The following ADCY2 variants were observed in gnomAD, a reference collection of about 807,000 sequenced individuals.
The protein encoded by ADCY2 is adenylate cyclase 2, also known as adenylate cyclase type 2.
Under a neutral mutation model 125.2 loss-of-function variants are expected in ADCY2, and 31 were observed. The ratio of observed to expected loss-of-function variants is 0.25; its 90% CI spans 0.19 to 0.33. The LOEUF is 0.33. Among genes scored for constraint, ADCY2 ranks in the 10% least tolerant of loss-of-function variants. The pLI is 1.00. For synonymous variants in ADCY2, 512 were observed against 548.4 expected (o/e 0.93, Z 0.93); for missense variants, 904 against 1,418.2 (o/e 0.64, Z 5.82).
At chr5:7,782,307 A>G (rs148495821) in intron 18 of ADCY2, 95 of 166,928 alleles carry the variant, frequency 5.7e-4, no homozygotes, top group African/African-American at 2.2e-3. Flanking sequence ...CAAGATTCAA[A>G]TGCATTAATG....
At chr5:7,612,694 C>T (rs1737606025) in intron 3 of ADCY2, among the ~76,000 whole-genome samples, 2 of 152,130 alleles carry the variant, frequency 1.3e-5, no homozygotes. Context: ...AGAGATAGCT[C>T]CAGTCACCCA....
intron 3 of ADCY2, among the ~76,000 whole-genome samples, chr5:7,613,350 A>G (rs1375694989): frequency 6.6e-6 from 1 of 152,126 alleles, no homozygotes; most frequent in Admixed American, 6.5e-5. Flanking sequence ...GTTATCACCT[A>G]ATGAATGACA....
chr5:7,470,203 C>G (rs1212788286), intron 2 of ADCY2, among the ~76,000 whole-genome samples: 1 of 151,676 alleles, frequency 6.6e-6, no homozygotes, highest in Non-Finnish European at 1.5e-5. Context: ...AGCACAACTG[C>G]TAGTGGTGTT....
intron 2 of ADCY2, among the ~76,000 whole-genome samples, chr5:7,458,073 A>G (rs1445134216): frequency 6.6e-6 from 1 of 152,198 alleles, no homozygotes; most frequent in South Asian, 2.1e-4. Flanking sequence ...TTGGTTTTAC[A>G]TGTCCTCAGG....
intron 5 of ADCY2, among the ~76,000 whole-genome samples, chr5:7,695,508 A>G (rs1395842108): frequency 6.6e-6 from 1 of 152,234 alleles, no homozygotes; most frequent in African/African-American, 2.4e-5. Context: ...CAGTACAAAC[A>G]GAATTTTTTT....
chr5:7,805,442 T>C (rs1209971779), intron 22 of ADCY2, among the ~76,000 whole-genome samples: 1 of 151,978 alleles, frequency 6.6e-6, no homozygotes. Flanking sequence ...CGAGATTTTC[T>C]CGTGTGTGTG....
chr5:7,545,374 T>C (rs1425570111), intron 3 of ADCY2, among the ~76,000 whole-genome samples: 1 of 152,100 alleles, frequency 6.6e-6, no homozygotes, highest in Non-Finnish European at 1.5e-5. Context: ...GAAAAATAAT[T>C]TATTAGAGAA....
intron 2 of ADCY2, among the ~76,000 whole-genome samples, chr5:7,490,336 T>C (rs1245960795): frequency 6.6e-6 from 1 of 152,204 alleles, no homozygotes; most frequent in East Asian, 1.9e-4. Flanking sequence ...TTTAACTGTT[T>C]GTAATTCATT....
chr5:7,441,502 G>T (rs1741014166), intron 2 of ADCY2, among the ~76,000 whole-genome samples: 2 of 151,762 alleles, frequency 1.3e-5, no homozygotes, highest in South Asian at 2.1e-4. Flanking sequence ...ATGATAGCGT[G>T]CTGGTAAACC....
At chr5:7,771,301 G>A (rs1210698174) in intron 17 of ADCY2, among the ~76,000 whole-genome samples, 1 of 152,060 alleles carries the variant, frequency 6.6e-6, no homozygotes, top group Non-Finnish European at 1.5e-5. Context: ...TCCTTTTCCT[G>A]TTCTCTGTCG....
intron 2 of ADCY2, among the ~76,000 whole-genome samples, chr5:7,432,561 G>A (rs1392896959): frequency 6.6e-6 from 1 of 152,178 alleles, no homozygotes; most frequent in Non-Finnish European, 1.5e-5. Flanking sequence ...GCACAGGTTC[G>A]AGTGACTGGA....
intron 18 of ADCY2, among the ~76,000 whole-genome samples, chr5:7,782,454 C>T (rs1278016728): frequency 3.3e-5 from 5 of 152,208 alleles, no homozygotes; most frequent in African/African-American, 9.7e-5. Flanking sequence ...GGGACCTAAG[C>T]TGGCTCTGTA....
chr5:7,599,117 A>G (rs1382951571), intron 3 of ADCY2, among the ~76,000 whole-genome samples: 4 of 152,124 alleles, frequency 2.6e-5, no homozygotes, highest in Non-Finnish European at 4.4e-5. Flanking sequence ...CCCCGGGGAC[A>G]GATGGATTTG....
At chr5:7,638,187 TA>T (rs1240860370) in intron 4 of ADCY2, among the ~76,000 whole-genome samples, 3 of 152,230 alleles carry the variant, frequency 2.0e-5, no homozygotes, top group Admixed American at 6.5e-5. Context: ...TGTTATCATA[TA>T]TTTTTTTGTG....
intron 14 of ADCY2, among the ~76,000 whole-genome samples, chr5:7,738,309 G>A (rs1241540620): frequency 6.6e-6 from 1 of 151,956 alleles, no homozygotes; most frequent in Non-Finnish European, 1.5e-5. Context: ...AGGACAGCGT[G>A]TATTAAGCCT....
chr5:7,565,178 C>T (rs1735852447), intron 3 of ADCY2, among the ~76,000 whole-genome samples: 4 of 152,212 alleles, frequency 2.6e-5, no homozygotes, highest in African/African-American at 7.2e-5. Context: ...TCTCCTTTCT[C>T]CTTGCTGGGC....
At chr5:7,762,320 A>G (rs1225044678) in intron 16 of ADCY2, among the ~76,000 whole-genome samples, 2 of 152,210 alleles carry the variant, frequency 1.3e-5, no homozygotes, top group African/African-American at 4.8e-5. Flanking sequence ...CCTTGTTTAT[A>G]ATGTCTTATT....
chr5:7,794,920 A>G (rs1005628663), intron 20 of ADCY2: 1 of 152,122 alleles, frequency 6.6e-6, no homozygotes, highest in Non-Finnish European at 1.5e-5. Flanking sequence ...AAATACTGAC[A>G]TCCTGCCTGA....
chr5:7,520,942 C>T (rs1321291092), intron 3 of ADCY2, 43 bp downstream of exon 3: 7 of 1,608,676 alleles, frequency 4.4e-6, no homozygotes. Flanking sequence ...TTTCCACATC[C>T]CACCAGGGGG....
Sources: gnomAD v4.1 joint callset for allele counts (sites outside exome capture counted in the v4.1 genomes callset) on GRCh38, gnomAD v4.1.1 for gene constraint, MANE v1.5 for transcripts, NCBI Gene and HGNC (gene_info 2026-07-23, HGNC 2026-07-21) for gene names.